Variants in GRIK3 observed in about 807,000 individuals in gnomAD.
GRIK3 encodes the protein glutamate ionotropic receptor kainate type subunit 3.
A neutral mutation model predicts 102.5 loss-of-function variants in GRIK3; 29 were observed. The ratio of observed to expected loss-of-function variants is 0.28; its 90% CI spans 0.21 to 0.39. GRIK3 has a LOEUF of 0.39. GRIK3 is among the 10% of genes least tolerant of loss of function. The pLI, the probability that GRIK3 is intolerant of heterozygous loss-of-function variation, is 1.00. For synonymous variants in GRIK3, 511 were observed against 504.9 expected, an observed-to-expected ratio of 1.01 and a Z score of -0.16; for missense variants, 908 against 1,252.4, an observed-to-expected ratio of 0.73 and a Z score of 4.15.
At chr1:36,874,317 C>A (rs563717) in intron 3 of GRIK3, among the ~76,000 whole-genome samples, 6,755 of 152,232 alleles carry the variant, frequency 0.044, 454 homozygotes, top group African/African-American at 0.15. Context: ...CGGGGACAGA[C>A]ATGTATGCTC....
At chr1:36,937,963 A>AT (rs1159416187) in intron 1 of GRIK3, among the ~76,000 whole-genome samples, 3 of 152,298 alleles carry the variant, frequency 2.0e-5, no homozygotes, top group South Asian at 2.1e-4. Context: ...GCCTTTATAC[A>AT]TTCTTTTGGT....
intron 1 of GRIK3, among the ~76,000 whole-genome samples, chr1:36,992,023 G>A (rs547319530): frequency 2.2e-4 from 33 of 152,284 alleles, no homozygotes; most frequent in African/African-American, 7.9e-4. Context: ...AAGAGGACCT[G>A]GGGGGTGGTT....
intron 10 of GRIK3, among the ~76,000 whole-genome samples, chr1:36,836,956 C>G (rs1297044193): frequency 6.6e-6 from 1 of 152,072 alleles, no homozygotes; most frequent in East Asian, 1.9e-4. Flanking sequence ...CCTCATTTCC[C>G]TTGACCTCCT....
chr1:37,020,272 T>C (rs1330461396), intron 1 of GRIK3, among the ~76,000 whole-genome samples: 1 of 152,126 alleles, frequency 6.6e-6, no homozygotes, highest in Non-Finnish European at 1.5e-5. Context: ...CTGGAACCGC[T>C]GGGGTTGTTT....
rs1178207562 is a variant in GRIK3, at chr1:36,958,685, GTCTGTGCCTTGTGAC to G, written c.116-67604_116-67590del. Among the ~76,000 whole-genome samples, 201 of 102,848 alleles carry G rather than the reference GTCTGTGCCTTGTGAC, an allele frequency of 2.0e-3. 10 individuals carry two copies. Among genetic ancestry groups the G allele is most frequent in the African/African-American group, 4.7e-3 (141 of 30,262 alleles). 67.5% of individuals were successfully genotyped at this position (102,848 alleles called of 152,430 possible). On this transcript the variant is annotated intron_variant, in intron 1 of 15. Transcript: ENST00000373091. ...TCCCGTGAGCCTGTGTGCCCTGTGA[GTCTGTGCCTTGTGAC>G]TCTGTGCCCCATGACTCTGTGCCCC...
intron 10 of GRIK3, among the ~76,000 whole-genome samples, chr1:36,830,368 C>G (rs932984567): frequency 6.6e-6 from 1 of 151,974 alleles, no homozygotes; most frequent in Non-Finnish European, 1.5e-5. Context: ...GCCCCCCCAC[C>G]CCCAATTATG....
At chr1:36,999,877 A>T (rs193037046) in intron 1 of GRIK3, among the ~76,000 whole-genome samples, 357 of 152,234 alleles carry the variant, frequency 2.3e-3, no homozygotes, top group African/African-American at 8.1e-3. Flanking sequence ...GGCACCTGTA[A>T]TCCCAGCTAC....
chr1:36,964,109 G>A (rs1642055769), intron 1 of GRIK3, among the ~76,000 whole-genome samples: 2 of 152,330 alleles, frequency 1.3e-5, no homozygotes, highest in South Asian at 4.1e-4. Context: ...CCTGGCCTGG[G>A]CAAGAAGAGA....
chr1:36,965,555 TG>T (rs1642069692), intron 1 of GRIK3, among the ~76,000 whole-genome samples: 1 of 151,688 alleles, frequency 6.6e-6, no homozygotes, highest in African/African-American at 2.4e-5. Flanking sequence ...TAACTAGAAA[TG>T]GGGGGAGAGA....
At chr1:36,954,086 G>A (rs1641876178) in intron 1 of GRIK3, among the ~76,000 whole-genome samples, 1 of 152,214 alleles carries the variant, frequency 6.6e-6, no homozygotes, top group Admixed American at 6.5e-5. Flanking sequence ...GGTCAAGGGG[G>A]ACGAAGGGCA....
chr1:36,860,109 C>T, intron 5 of GRIK3, 92 bp from the exon 6 acceptor site: 5 of 1,024,732 alleles, frequency 4.9e-6, no homozygotes, highest in Non-Finnish European at 7.2e-6. Context: ...AGGGCCGCCC[C>T]AGGGCCTGAG....
chr1:36,937,033 C>T (rs1040516639), intron 1 of GRIK3, among the ~76,000 whole-genome samples: 20 of 152,210 alleles, frequency 1.3e-4, no homozygotes, highest in Non-Finnish European at 2.4e-4. Context: ...GGATATCGGG[C>T]TGTCCTCTCC....
intron 10 of GRIK3, among the ~76,000 whole-genome samples, chr1:36,831,638 C>A (rs1640300874): frequency 6.6e-6 from 1 of 152,224 alleles, no homozygotes; most frequent in African/African-American, 2.4e-5. Flanking sequence ...TGCTGTCCAA[C>A]AGAGCTTCCT....
rs1642308695 is a variant in GRIK3, at chr1:36,986,507, CATTA to C, written c.115+47483_115+47486del. Among the ~76,000 whole-genome samples the C allele has an allele frequency of 7.3e-5, 11 of 151,646 alleles. No homozygotes were observed. In the South Asian group the frequency reaches 2.1e-3, roughly 29 times the overall value. On this transcript the variant is annotated intron_variant, in intron 1 of 15. Coordinates refer to ENST00000373091, the MANE Select transcript of GRIK3 (RefSeq NM_000831.4). ...CCATCCATCCATCCATCCATCCATCCATTAATTAAGGTCATGTTCCCTGAGCTCT... is the reference window on the plus strand; with the variant it reads ...CCATCCATCCATCCATCCATCCATCCATTAAGGTCATGTTCCCTGAGCTCT...
chr1:37,024,717 T>A (rs1642749758), intron 1 of GRIK3, among the ~76,000 whole-genome samples: 1 of 118,710 alleles, frequency 8.4e-6, no homozygotes, highest in African/African-American at 3.3e-5. Flanking sequence ...CACTCCAGCC[T>A]GGGCAACAGA....
At chr1:36,910,046 G>A (rs1234665523) in intron 1 of GRIK3, among the ~76,000 whole-genome samples, 1 of 152,182 alleles carries the variant, frequency 6.6e-6, no homozygotes, top group East Asian at 1.9e-4. Context: ...CCTCATGACT[G>A]TTTAGGTGTC....
intron 1 of GRIK3, among the ~76,000 whole-genome samples, chr1:37,006,904 A>G (rs1002566034): frequency 1.3e-5 from 2 of 152,208 alleles, no homozygotes; most frequent in South Asian, 4.1e-4. Flanking sequence ...AAGGCCAGGG[A>G]GCAAGCTAGT....
chr1:36,904,284 G>A (rs916927648), intron 1 of GRIK3, among the ~76,000 whole-genome samples: 7 of 152,166 alleles, frequency 4.6e-5, no homozygotes, highest in African/African-American at 1.4e-4. Flanking sequence ...TCGACATGCC[G>A]AGCACGTGCA....
chr1:36,975,147 A>G (rs534873767), intron 1 of GRIK3, among the ~76,000 whole-genome samples: 1 of 152,310 alleles, frequency 6.6e-6, no homozygotes, highest in East Asian at 1.9e-4. Flanking sequence ...TAAAATGGTA[A>G]TTTTTATGTT....
Sources: gnomAD v4.1 joint callset for allele counts (sites outside exome capture counted in the v4.1 genomes callset) on GRCh38, gnomAD v4.1.1 for gene constraint, MANE v1.5 for transcripts, NCBI Gene and HGNC (gene_info 2026-07-23, HGNC 2026-07-21) for gene names.